FBXL17: variants seen among roughly 807,000 people sequenced by gnomAD.
FBXL17 encodes F-box and leucine rich repeat protein 17, also known as F-box/LRR-repeat protein 17.
A neutral mutation model predicts 66.2 loss-of-function variants in FBXL17; 22 were observed. The observed-to-expected ratio is 0.33, with a 90% confidence interval of 0.24 to 0.47. The LOEUF is 0.47. FBXL17 is among the 20% of genes least tolerant of loss of function. The pLI is 1.00. For missense variants in FBXL17, 878 were observed against 948.2 expected (o/e 0.93, Z 0.97); for synonymous variants, 474 against 400.5 (o/e 1.18, Z -2.19).
chr5:107,938,367 G>GA (rs929213646), intron 7 of FBXL17, among the ~76,000 whole-genome samples: 33 of 151,970 alleles, frequency 2.2e-4, no homozygotes, highest in Non-Finnish European at 5.9e-5. Context: ...CTCATACTGA[G>GA]AAAAAACTAT....
chr5:108,099,312 T>A (rs188551743), intron 6 of FBXL17, among the ~76,000 whole-genome samples: 4 of 152,338 alleles, frequency 2.6e-5, no homozygotes, highest in Non-Finnish European at 4.4e-5. Context: ...TCTATCCTCT[T>A]AGTTTTCTTA....
chr5:107,916,002 T>G (rs1750113614), intron 7 of FBXL17, among the ~76,000 whole-genome samples: 1 of 152,202 alleles, frequency 6.6e-6, no homozygotes, highest in South Asian at 2.1e-4. Context: ...TTTAATACTT[T>G]CTTTGCTCCA....
intron 6 of FBXL17, among the ~76,000 whole-genome samples, chr5:108,146,311 A>G (rs1751558940): frequency 6.6e-6 from 1 of 152,174 alleles, no homozygotes; most frequent in Non-Finnish European, 1.5e-5. Context: ...TGGTACAAAA[A>G]AAAAAAATGA....
At chr5:108,216,277 A>G (rs1754595633) in intron 5 of FBXL17, among the ~76,000 whole-genome samples, 1 of 151,996 alleles carries the variant, frequency 6.6e-6, no homozygotes, top group African/African-American at 2.4e-5. Flanking sequence ...AAGTGCTTTG[A>G]GTAATACTGC....
intron 5 of FBXL17, 27 bp from the exon 6 acceptor site, chr5:108,186,274 GA>G: frequency 1.3e-6 from 2 of 1,597,220 alleles, no homozygotes; most frequent in Non-Finnish European, 1.7e-6. Context: ...AATGAAAGAT[GA>G]AAAAGGTAAA....
At chr5:108,309,667 A>C (rs1432527928) in intron 4 of FBXL17, among the ~76,000 whole-genome samples, 1 of 152,088 alleles carries the variant, frequency 6.6e-6, no homozygotes, top group African/African-American at 2.4e-5. Flanking sequence ...ATAAAGAATA[A>C]CTTTTTTTAA....
At chr5:108,378,728 T>G (rs1749624734) in intron 1 of FBXL17, among the ~76,000 whole-genome samples, 1 of 152,190 alleles carries the variant, frequency 6.6e-6, no homozygotes, top group African/African-American at 2.4e-5. Context: ...TCTAAACACC[T>G]GATGATACAT....
chr5:107,980,356 C>A (rs1661619879), intron 7 of FBXL17, among the ~76,000 whole-genome samples: 1 of 151,712 alleles, frequency 6.6e-6, no homozygotes, highest in Non-Finnish European at 1.5e-5. Flanking sequence ...TAACTTAATC[C>A]TACAGGTATT....
At chr5:108,163,032 T>A (rs1464727210) in intron 6 of FBXL17, among the ~76,000 whole-genome samples, 1 of 152,214 alleles carries the variant, frequency 6.6e-6, no homozygotes, top group Non-Finnish European at 1.5e-5. Context: ...CAAACTCTTA[T>A]ATTACAATAT....
rs1456531811 is a variant in FBXL17 at position 108,231,198 on chromosome 5, A to C, written c.1507-6970T>G. 3.3e-5 allele frequency among the ~76,000 whole-genome samples: 5 copies of C among 152,282 alleles called. No homozygotes were observed. In the East Asian group the frequency reaches 9.7e-4, roughly 29 times the overall value. ...AACTTATATGCCATAAAATCCATCC[A>C]TTTTGAGTATAATTCGTCAAGTTTT... On this transcript the variant is annotated intron_variant, in intron 4 of 8. Transcript: ENST00000542267.
intron 6 of FBXL17, among the ~76,000 whole-genome samples, chr5:108,127,876 G>A (rs1241020166): frequency 1.3e-5 from 2 of 152,104 alleles, no homozygotes; most frequent in Admixed American, 6.6e-5. Flanking sequence ...TAACCCCCTG[G>A]TAGGATTTTC....
chr5:108,192,301 A>G (rs1371834393), intron 5 of FBXL17, among the ~76,000 whole-genome samples: 1 of 152,238 alleles, frequency 6.6e-6, no homozygotes, highest in Non-Finnish European at 1.5e-5. Flanking sequence ...TTGAATAAGC[A>G]AAGCCTTACA....
intron 4 of FBXL17, among the ~76,000 whole-genome samples, chr5:108,265,744 A>G (rs1481218999): frequency 6.6e-6 from 1 of 152,136 alleles, no homozygotes; most frequent in Non-Finnish European, 1.5e-5. Flanking sequence ...TTTATTCTAA[A>G]CCAGAGCATC....
Position 108,367,900 on chromosome 5 carries a change from G to C in FBXL17, c.1047C>G (p.Cys349Trp). The change falls in exon 2 of 9, where the codon TGC (cysteine) becomes TGG (tryptophan). Residue 349 changes from cysteine to tryptophan, a missense_variant. Transcript: ENST00000542267. ...CTAAACAAAGGTCACGCCAGTACTT[G>C]CAAACCAATGATGCGGAAAGGCAAC... ...DERCLSASLVCKYWRDLCLDF... is the reference protein window; with the variant it reads ...DERCLSASLVWKYWRDLCLDF... The C allele has an allele frequency of 6.4e-7, 1 of 1,550,846 alleles. No homozygotes were observed. Among genetic ancestry groups the C allele is most frequent in the Non-Finnish European group, 8.7e-7 (1 of 1,146,366 alleles).
intron 5 of FBXL17, among the ~76,000 whole-genome samples, chr5:108,206,763 T>C (rs1435837548): frequency 6.6e-6 from 1 of 152,224 alleles, no homozygotes; most frequent in Non-Finnish European, 1.5e-5. Flanking sequence ...TGTTTATACA[T>C]ACACCAACTG....
chr5:108,216,031 C>T (rs377571796), intron 5 of FBXL17, among the ~76,000 whole-genome samples: 12 of 152,232 alleles, frequency 7.9e-5, no homozygotes, highest in South Asian at 6.2e-4. Flanking sequence ...TCTGGACGCT[C>T]GATCCTTTTC....
At chr5:107,918,713 T>C (rs549765047) in intron 7 of FBXL17, among the ~76,000 whole-genome samples, 103 of 152,310 alleles carry the variant, frequency 6.8e-4, no homozygotes, top group Middle Eastern at 3.4e-3. Context: ...ATAAATAAAA[T>C]CCTAGTGTTC....
intron 7 of FBXL17, among the ~76,000 whole-genome samples, chr5:108,005,805 C>T (rs1301448369): frequency 1.3e-5 from 2 of 152,198 alleles, no homozygotes; most frequent in African/African-American, 4.8e-5. Context: ...GAAGCTATGC[C>T]TGTTGACTGT....
chr5:108,069,390 T>G (rs10479422), intron 6 of FBXL17, among the ~76,000 whole-genome samples: 57,357 of 152,040 alleles, frequency 0.38, 11,162 homozygotes, highest in Admixed American at 0.45. Flanking sequence ...GATATACTAT[T>G]TTTAAGTCAA....
Sources: gnomAD v4.1 joint callset for allele counts (sites outside exome capture counted in the v4.1 genomes callset) on GRCh38, gnomAD v4.1.1 for gene constraint, MANE v1.5 for transcripts, NCBI Gene and HGNC (gene_info 2026-07-23, HGNC 2026-07-21) for gene names.